RANBP2: variants seen among roughly 807,000 people sequenced by gnomAD.
RANBP2 encodes E3 SUMO-protein ligase RanBP2.
In RANBP2, 57 loss-of-function variants were observed where a neutral mutation model predicts 303.6. The ratio of observed to expected loss-of-function variants is 0.19; its 90% CI spans 0.15 to 0.23. The LOEUF (loss-of-function observed/expected upper bound fraction) is 0.23, where lower values mean the gene tolerates loss of function less well. Ranked by LOEUF, RANBP2 falls within the 10% of genes least tolerant of loss-of-function variation. The pLI is 1.00. For synonymous variants in RANBP2, 1,167 were observed against 1,301.5 expected, an observed-to-expected ratio of 0.90 and a Z score of 2.23; for missense variants, 3,138 against 3,780.8, an observed-to-expected ratio of 0.83 and a Z score of 4.46.
At chr2:109,113,308 A>C in the RANBP2 span, among the ~76,000 whole-genome samples, 729 of 151,842 alleles carry the variant, frequency 4.8e-3, 5 homozygotes, top group African/African-American at 0.016. Flanking sequence ...CTTTTATTTC[A>C]TTGAGCAGTG....
the RANBP2 span, among the ~76,000 whole-genome samples, chr2:109,081,408 A>T: frequency 2.0e-5 from 3 of 152,150 alleles, no homozygotes; most frequent in African/African-American, 7.2e-5. Context: ...TTTTGGAAAC[A>T]TCTGTGGTCC....
chr2:109,568,371 A>ACC, the RANBP2 span, among the ~76,000 whole-genome samples: 1 of 141,644 alleles, frequency 7.1e-6, no homozygotes, highest in Non-Finnish European at 1.5e-5. Flanking sequence ...CAGCCACACA[A>ACC]TCTTTTTTTT....
the RANBP2 span, among the ~76,000 whole-genome samples, chr2:108,878,645 C>T: frequency 3.3e-5 from 5 of 152,160 alleles, no homozygotes; most frequent in Admixed American, 3.3e-4. Flanking sequence ...ATATGTGAGA[C>T]CTTTTATTTG....
the RANBP2 span, among the ~76,000 whole-genome samples, chr2:109,473,899 C>G: frequency 6.6e-6 from 1 of 152,224 alleles, no homozygotes; most frequent in South Asian, 2.1e-4. Context: ...GCCCCTTGAT[C>G]ATCAGCAGTG....
the RANBP2 span, among the ~76,000 whole-genome samples, chr2:109,219,649 G>A: frequency 4.6e-5 from 7 of 152,270 alleles, no homozygotes; most frequent in African/African-American, 1.4e-4. Flanking sequence ...TATTTCTATA[G>A]ACTTGAACAA....
At chr2:109,541,214 C>G in the RANBP2 span, among the ~76,000 whole-genome samples, 64 of 152,350 alleles carry the variant, frequency 4.2e-4, no homozygotes, top group African/African-American at 1.5e-3. Flanking sequence ...CCAGTTAATG[C>G]AAGAACCTGA....
At chr2:109,165,099 C>G in the RANBP2 span, among the ~76,000 whole-genome samples, 1 of 152,218 alleles carries the variant, frequency 6.6e-6, no homozygotes, top group Non-Finnish European at 1.5e-5. Context: ...ACTCCCAGGG[C>G]TAGTTGTTCC....
At chr2:109,145,175 C>T in the RANBP2 span, among the ~76,000 whole-genome samples, 1 of 152,332 alleles carries the variant, frequency 6.6e-6, no homozygotes, top group Non-Finnish European at 1.5e-5. Context: ...CAGTTCACTC[C>T]TGCCTTTCTG....
chr2:108,823,782 C>T, the RANBP2 span, among the ~76,000 whole-genome samples: 2 of 152,122 alleles, frequency 1.3e-5, no homozygotes, highest in Admixed American at 1.3e-4. Context: ...GAGTTCGAGA[C>T]CAGCCTGGCC....
chr2:108,920,320 T>A, the RANBP2 span, among the ~76,000 whole-genome samples: 4 of 152,190 alleles, frequency 2.6e-5, no homozygotes, highest in African/African-American at 9.7e-5. Flanking sequence ...TGATAACTTG[T>A]AATGAAATCC....
chr2:108,727,396 G>C (rs1415237535), intron 1 of RANBP2, among the ~76,000 whole-genome samples: 5 of 152,200 alleles, frequency 3.3e-5, no homozygotes, highest in Non-Finnish European at 4.4e-5. Context: ...GCCATAGTGT[G>C]TGATAAGTGC....
At chr2:109,227,922 C>T in the RANBP2 span, among the ~76,000 whole-genome samples, 1 of 152,200 alleles carries the variant, frequency 6.6e-6, no homozygotes, top group African/African-American at 2.4e-5. Flanking sequence ...GACCGTCATT[C>T]CTGATGTTTC....
intron 25 of RANBP2, among the ~76,000 whole-genome samples, 180 bp from the exon 26 acceptor site, chr2:108,781,089 G>C (rs1481694964): frequency 6.6e-6 from 1 of 151,922 alleles, no homozygotes; most frequent in Non-Finnish European, 1.5e-5. Flanking sequence ...AGGTGACCTC[G>C]GCCTCCCAAA....
the RANBP2 span, among the ~76,000 whole-genome samples, chr2:109,000,713 C>T: frequency 6.6e-6 from 1 of 152,234 alleles, no homozygotes; most frequent in East Asian, 1.9e-4. Context: ...TAATGTCCAG[C>T]ATTACTGGGC....
the RANBP2 span, among the ~76,000 whole-genome samples, chr2:109,383,967 C>T: frequency 3.3e-5 from 5 of 152,356 alleles, no homozygotes; most frequent in South Asian, 2.1e-4. Context: ...TTCCTGGCTG[C>T]CACAAACAGT....
the RANBP2 span, among the ~76,000 whole-genome samples, chr2:109,069,115 A>G: frequency 1.3e-5 from 2 of 152,252 alleles, no homozygotes; most frequent in African/African-American, 4.8e-5. Flanking sequence ...AAATGCAGAC[A>G]ATATGCTCAA....
chr2:109,278,864 T>A, the RANBP2 span, among the ~76,000 whole-genome samples: 2 of 152,168 alleles, frequency 1.3e-5, no homozygotes, highest in African/African-American at 4.8e-5. Flanking sequence ...TGTGGGGACG[T>A]GCACTCTGCA....
the RANBP2 span, among the ~76,000 whole-genome samples, chr2:109,081,933 C>G: frequency 6.6e-6 from 1 of 152,200 alleles, no homozygotes; most frequent in Non-Finnish European, 1.5e-5. Flanking sequence ...CTGTCTGGTT[C>G]TTCATCTCCG....
the RANBP2 span, chr2:109,615,785 A>G: frequency 1.2e-6 from 2 of 1,614,146 alleles, no homozygotes; most frequent in South Asian, 1.1e-5. Flanking sequence ...CACACGCCCT[A>G]GAAGATGGAG....
Sources: gnomAD v4.1 joint callset for allele counts (sites outside exome capture counted in the v4.1 genomes callset) on GRCh38, gnomAD v4.1.1 for gene constraint, MANE v1.5 for transcripts, NCBI Gene and HGNC (gene_info 2026-07-23, HGNC 2026-07-21) for gene names.